The following SLC44A3 variants were observed in gnomAD, a reference collection of about 807,000 sequenced individuals.
The protein encoded by SLC44A3 is choline transporter-like protein 3.
In SLC44A3, 74 loss-of-function variants were observed where a neutral mutation model predicts 75.4. The observed-to-expected ratio is 0.98, with a 90% CI of 0.81 to 1.19. SLC44A3 has a LOEUF of 1.19. Among genes scored for constraint, SLC44A3 ranks in the 50% most tolerant of loss-of-function variants. SLC44A3 has a pLI of 0.00. For missense variants in SLC44A3, 700 were observed against 778.6 expected, an observed-to-expected ratio of 0.90 and a Z score of 1.20; for synonymous variants, 310 against 296.9, an observed-to-expected ratio of 1.04 and a Z score of -0.45.
At chr1:94,822,621 G>C (rs1660766590) in intron 2 of SLC44A3, among the ~76,000 whole-genome samples, 1 of 152,152 alleles carries the variant, frequency 6.6e-6, no homozygotes, top group Non-Finnish European at 1.5e-5. Flanking sequence ...AAGCAGAGAT[G>C]GTTCTTGCAA....
intron 9 of SLC44A3, among the ~76,000 whole-genome samples, chr1:94,851,747 G>A (rs1042167684): frequency 1.3e-5 from 2 of 152,244 alleles, no homozygotes; most frequent in African/African-American, 2.4e-5. Flanking sequence ...CAGGATGAAT[G>A]TCAGCAGGCT....
intron 5 of SLC44A3, among the ~76,000 whole-genome samples, chr1:94,835,744 C>T (rs1011204378): frequency 9.2e-5 from 14 of 152,078 alleles, no homozygotes; most frequent in African/African-American, 2.9e-4. Flanking sequence ...TTGAGCTCAG[C>T]CGCAAATTCC....
At position 94,837,842 on chromosome 1, in the gene SLC44A3, C is replaced by G; in HGVS notation, c.641C>G (p.Thr214Arg). The G allele has an allele frequency of 4.3e-6, 7 of 1,609,396 alleles. No homozygotes were observed. Among genetic ancestry groups the G allele is most frequent in the Non-Finnish European group, 5.9e-6 (7 of 1,178,800 alleles). Residue 214 changes from threonine (T) to arginine (R), a missense_variant, in exon 6 of 15, where the codon ACA becomes AGA. Physicochemically the swap from Thr to Arg is moderately conservative, Grantham distance 71. Transcript: ENST00000271227. ...AGTGGAATCATGTCGGGAAGAGATA[C>G]AATCCTTGGCCTGTGTATCCTCGCA... ...ILSGIMSGRD[T>R]ILGLCILALA...
At position 94,895,012 on chromosome 1, in the gene SLC44A3, G is replaced by T; in HGVS notation, c.*90G>T. 2 of 1,026,000 alleles carry T rather than the reference G, an allele frequency of 1.9e-6. No individual in the cohort carries two copies. The highest frequency in any genetic ancestry group is 2.8e-6 in the Non-Finnish European group (2 of 707,378). The allele number at this position is 1,026,000 out of a possible 1,614,324, so 63.6% of individuals were successfully genotyped here. On this transcript the variant is annotated 3_prime_UTR_variant, in exon 15 of 15. Coordinates refer to ENST00000271227, the MANE Select transcript of SLC44A3 (RefSeq NM_001114106.3). ...ATGAGACCACTAGAGAAAAGTTAGT[G>T]AATTTTTTTTTAAAAGACCTAATAA...
intron 12 of SLC44A3, among the ~76,000 whole-genome samples, chr1:94,885,657 G>C (rs191384154): frequency 2.6e-5 from 4 of 152,302 alleles, no homozygotes; most frequent in Non-Finnish European, 5.9e-5. Flanking sequence ...CTTCATGGAA[G>C]ATGGACGCAA....
chr1:94,870,940 C>T (rs1336248106), intron 12 of SLC44A3, among the ~76,000 whole-genome samples: 1 of 152,248 alleles, frequency 6.6e-6, no homozygotes, highest in Non-Finnish European at 1.5e-5. Flanking sequence ...CTTGGCCTCC[C>T]AAACTGCAGA....
chr1:94,856,348 C>A (rs1571308461), intron 9 of SLC44A3, among the ~76,000 whole-genome samples: 1 of 152,056 alleles, frequency 6.6e-6, no homozygotes, highest in Non-Finnish European at 1.5e-5. Context: ...ATCTAAAACT[C>A]CAGGAAGCCA....
At chr1:94,853,770 A>G (rs1035769272) in intron 9 of SLC44A3, among the ~76,000 whole-genome samples, 1 of 152,102 alleles carries the variant, frequency 6.6e-6, no homozygotes. Flanking sequence ...GGGGGAATTT[A>G]TAAAACAGTT....
At chr1:94,850,711 G>A (rs1665114590) in intron 9 of SLC44A3, among the ~76,000 whole-genome samples, 1 of 152,216 alleles carries the variant, frequency 6.6e-6, no homozygotes, top group African/African-American at 2.4e-5. Flanking sequence ...TTAGGAGGCT[G>A]AGATGAGACA....
chr1:94,840,020 T>G lies in SLC44A3; in HGVS notation c.743T>G (p.Val248Gly). The G allele has an allele frequency of 6.2e-7, 1 of 1,613,406 alleles. No individual in the cohort carries two copies. The change falls in exon 7 of 15, where the codon GTT becomes GGT. Residue 248 changes from valine (V) to glycine (G), a missense_variant. Coordinates refer to ENST00000271227, the MANE Select transcript of SLC44A3 (RefSeq NM_001114106.3). ...TLLVHIFISL[V>G]ILGLLFVCGV... is the part of the protein sequence containing the mutation. ...CTGGTTCACATTTTCATTTCATTGG[T>G]TATTTTGGGATTGTTGTGTAAGTAT...
chr1:94,895,088 T>C lies in SLC44A3; in HGVS notation c.*166T>C, dbSNP rs1670626408. On this transcript the variant is annotated 3_prime_UTR_variant, in exon 15 of 15. Coordinates refer to ENST00000271227, the MANE Select transcript of SLC44A3 (RefSeq NM_001114106.3). Reference sequence around the variant, plus strand: ...TCATTATTGTTTGACCAGGTAACAATACTGGAACTATATTAGTTTACCTTT... The same window carrying C: ...TCATTATTGTTTGACCAGGTAACAACACTGGAACTATATTAGTTTACCTTT... 3.4e-6 allele frequency: 2 copies of C among 580,418 alleles called. No individual in the cohort carries two copies. The highest frequency in any genetic ancestry group is 6.2e-6 in the Non-Finnish European group (2 of 321,848). 36.0% of individuals were successfully genotyped at this position (580,418 alleles called of 1,614,324 possible).
chr1:94,894,594 C>A (rs1192601044), intron 14 of SLC44A3, among the ~76,000 whole-genome samples: 1 of 152,146 alleles, frequency 6.6e-6, no homozygotes, highest in African/African-American at 2.4e-5. Flanking sequence ...TCCACACTTC[C>A]CCATCTCCCT....
chr1:94,845,562 T>C, intron 9 of SLC44A3, 98 bp downstream of exon 9: 1 of 1,203,830 alleles, frequency 8.3e-7, no homozygotes, highest in South Asian at 1.6e-5. Flanking sequence ...TAACCCCTCA[T>C]TGAGCCAGAG....
At chr1:94,857,313 A>G in intron 9 of SLC44A3, 22 bp from the exon 10 acceptor site, 2 of 1,581,500 alleles carry the variant, frequency 1.3e-6, no homozygotes, top group Non-Finnish European at 1.7e-6. Flanking sequence ...GGTGTAAAGC[A>G]TGTTTGTGTT....
chr1:94,876,170 G>A (rs1184459096), intron 12 of SLC44A3, among the ~76,000 whole-genome samples: 1 of 152,226 alleles, frequency 6.6e-6, no homozygotes, highest in Non-Finnish European at 1.5e-5. Context: ...GTGGGGAGGT[G>A]CCTCAGAGTG....
rs1661037236 is a variant in SLC44A3, at chr1:94,824,503, T to C, written c.146T>C (p.Met49Thr). The C allele has an allele frequency of 2.5e-6, 4 of 1,602,616 alleles. No individual in the cohort carries two copies. The highest frequency in any genetic ancestry group is 2.5e-6 in the Non-Finnish European group (3 of 1,176,638). ...CCCCGTTTTTGCCAGGTGTTTATCATGGGCTACTCGGTGGTGGCTGGAGCC... is the reference window on the plus strand; with the variant it reads ...CCCCGTTTTTGCCAGGTGTTTATCACGGGCTACTCGGTGGTGGCTGGAGCC... ...FLFWTGLVFIMGYSVVAGAAG... is the reference protein window; with the variant it reads ...FLFWTGLVFITGYSVVAGAAG... Residue 49 changes from methionine to threonine, a missense_variant, in exon 3 of 15, where the codon ATG (methionine) becomes ACG (threonine). Coordinates refer to ENST00000271227, the MANE Select transcript of SLC44A3 (RefSeq NM_001114106.3).
At chr1:94,832,790 A>G (rs868535108) in intron 5 of SLC44A3, among the ~76,000 whole-genome samples, 6 of 152,336 alleles carry the variant, frequency 3.9e-5, no homozygotes, top group Middle Eastern at 3.4e-3. Flanking sequence ...CCTGGACAAC[A>G]TAACGAGACC....
At chr1:94,859,270 A>G (rs1163947885) in intron 10 of SLC44A3, among the ~76,000 whole-genome samples, 1 of 152,240 alleles carries the variant, frequency 6.6e-6, no homozygotes, top group African/African-American at 2.4e-5. Flanking sequence ...CCAGTGAAGC[A>G]TATGCATTTA....
chr1:94,839,808 G>A, intron 6 of SLC44A3, 140 bp from the exon 7 acceptor site: 1 of 685,920 alleles, frequency 1.5e-6, no homozygotes, highest in Non-Finnish European at 2.6e-6. Context: ...TTAGTGTTTA[G>A]TAGATATCCC....
Sources: allele counts gnomAD v4.1 joint callset (sites outside exome capture counted in the v4.1 genomes callset), GRCh38; gene constraint gnomAD v4.1.1; transcripts MANE v1.5; gene names NCBI Gene and HGNC (gene_info 2026-07-23, HGNC 2026-07-21).